Variants in ATP10D observed in about 807,000 individuals in gnomAD.
ATP10D encodes the protein ATPase phospholipid transporting 10D (putative), also known as phospholipid-transporting ATPase VD.
ATP10D carries 89 observed loss-of-function variants against 144.8 expected under a neutral mutation model. The ratio of observed to expected loss-of-function variants is 0.61; its 90% CI spans 0.52 to 0.73. The LOEUF (loss-of-function observed/expected upper bound fraction) is 0.73. Among genes scored for constraint, ATP10D ranks in the 30% least tolerant of loss-of-function variants. The pLI is 0.00. For synonymous variants in ATP10D, 571 were observed against 615.1 expected (o/e 0.93, Z 1.06); for missense variants, 1,603 against 1,714.8 (o/e 0.93, Z 1.15).
intron 3 of ATP10D, among the ~76,000 whole-genome samples, chr4:47,519,024 T>C (rs572704640): frequency 1.1e-3 from 171 of 152,368 alleles, no homozygotes; most frequent in Non-Finnish European, 1.9e-3. Flanking sequence ...TAAGTTGATA[T>C]ATGTAAAGCA....
intron 1 of ATP10D, among the ~76,000 whole-genome samples, chr4:47,495,748 T>C (rs1188974611): frequency 6.6e-6 from 1 of 152,088 alleles, no homozygotes; most frequent in African/African-American, 2.4e-5. Context: ...TTTTTTTTTT[T>C]TTTTTTGAAA....
At position 47,558,791 on chromosome 4, in the gene ATP10D, C is replaced by G. The variant is rs569814918; in HGVS notation, c.2435-132C>G. On this transcript the variant is annotated intron_variant, in intron 12 of 22. Coordinates refer to ENST00000273859, the MANE Select transcript of ATP10D (RefSeq NM_020453.4). ...TCTGAGTGGTCCCTTTTACAGATAC[C>G]CATTTGGGATTCAAAACCAGAAGGC... The G allele has an allele frequency of 3.8e-5, 26 of 683,312 alleles. No individual in the cohort carries two copies. The African/African-American group carries it at 4.3e-4, about 11-fold the overall frequency. The allele number at this position is 683,312 out of a possible 1,614,324, so 42.3% of individuals were successfully genotyped here. A position where few individuals can be genotyped will look rare whatever the true frequency, so the allele number is the denominator to read the frequency against.
chr4:47,533,113 G>C (rs911420064), intron 5 of ATP10D, among the ~76,000 whole-genome samples: 2 of 152,002 alleles, frequency 1.3e-5, no homozygotes, highest in Non-Finnish European at 2.9e-5. Context: ...AAGGATTTCA[G>C]GGGAAAAAAT....
chr4:47,536,891 T>C lies in ATP10D; in HGVS notation c.1349T>C (p.Phe450Ser). ...TGTLTENKMV[F>S]RRCSVAGFDY... is the part of the protein sequence containing the mutation. Reference sequence around the variant, plus strand: ...ACCCTCACTGAGAATAAGATGGTTTTTCGAAGATGTAGTGTGGCAGGATTT... The same window carrying C: ...ACCCTCACTGAGAATAAGATGGTTTCTCGAAGATGTAGTGTGGCAGGATTT... Residue 450 changes from phenylalanine to serine, a missense_variant, in exon 9 of 23, where the codon TTT becomes TCT. Transcript: ENST00000273859. The C allele has an allele frequency of 6.2e-7, 1 of 1,613,024 alleles. No individual in the cohort carries two copies. The highest frequency in any genetic ancestry group is 8.5e-7 in the Non-Finnish European group (1 of 1,179,564).
chr4:47,582,731 A>T (rs1324872805), intron 21 of ATP10D: 1 of 152,198 alleles, frequency 6.6e-6, no homozygotes, highest in Non-Finnish European at 1.5e-5. Context: ...CGCAAATGTT[A>T]TTTTAAATTT....
chr4:47,498,035 C>G (rs971927163), intron 1 of ATP10D, among the ~76,000 whole-genome samples: 3 of 152,192 alleles, frequency 2.0e-5, no homozygotes, highest in African/African-American at 7.2e-5. Flanking sequence ...TGTCAGATGT[C>G]TTACGTACAT....
chr4:47,558,929 C>A lies in ATP10D; in HGVS notation c.2441C>A (p.Ala814Glu). 6.2e-7 allele frequency: 1 copy of A among 1,612,380 alleles called. No homozygotes were observed. The highest frequency in any genetic ancestry group is 2.2e-5 in the East Asian group (1 of 44,826). The change falls in exon 13 of 23, where the codon GCA becomes GAA. Residue 814 changes from alanine (A) to glutamate (E), a missense_variant. Physicochemically the swap from Ala to Glu is moderately radical, Grantham distance 107. Coordinates refer to ENST00000273859, the MANE Select transcript of ATP10D (RefSeq NM_020453.4). ...ATCTTGTCCATTATTTCAGATGGAGCAAGTCTGGAGAAACAACAGATGATA... is the reference window on the plus strand; with the variant it reads ...ATCTTGTCCATTATTTCAGATGGAGAAAGTCTGGAGAAACAACAGATGATA... ...ELLSVASPDG[A>E]SLEKQQMIVR...
chr4:47,530,362 A>C (rs1370635825), intron 5 of ATP10D, among the ~76,000 whole-genome samples: 1 of 152,114 alleles, frequency 6.6e-6, no homozygotes, highest in African/African-American at 2.4e-5. Flanking sequence ...TTATCATGAA[A>C]GGATATTGGT....
intron 9 of ATP10D, among the ~76,000 whole-genome samples, chr4:47,537,386 T>C (rs1179939389): frequency 2.0e-5 from 3 of 152,196 alleles, no homozygotes; most frequent in African/African-American, 7.2e-5. Context: ...CTTCTGACTC[T>C]AAAGAAATAA....
intron 1 of ATP10D, among the ~76,000 whole-genome samples, chr4:47,495,529 C>T (rs1343698116): frequency 6.6e-6 from 1 of 151,756 alleles, no homozygotes; most frequent in African/African-American, 2.4e-5. Flanking sequence ...AGTATAAAAA[C>T]ACTGAAAAAA....
chr4:47,487,059 G>A (rs183009189), intron 1 of ATP10D, among the ~76,000 whole-genome samples: 35 of 152,010 alleles, frequency 2.3e-4, no homozygotes, highest in Admixed American at 1.6e-3. Flanking sequence ...GGCGAAACCC[G>A]TCTCTACTAA....
chr4:47,591,441 A>C lies in ATP10D; in HGVS notation c.*60A>C, dbSNP rs577056118. 4.9e-5 allele frequency: 69 copies of C among 1,406,892 alleles called. No individual in the cohort carries two copies. In the South Asian group the frequency reaches 8.8e-4, roughly 18 times the overall value. 87.2% of individuals were successfully genotyped at this position (1,406,892 alleles called of 1,614,324 possible). On this transcript the variant is annotated 3_prime_UTR_variant, in exon 23 of 23. Transcript: ENST00000273859. The stretch of plus-strand genomic sequence containing the variant: ...GTTGGAAGAGGGATTTTGAAGAGGT[A>C]TCTCTCCAAGCAAGAATGACTTGTT...
intron 5 of ATP10D, among the ~76,000 whole-genome samples, chr4:47,529,729 G>A (rs1717462193): frequency 6.6e-6 from 1 of 152,096 alleles, no homozygotes; most frequent in African/African-American, 2.4e-5. Context: ...ATTTCTTTGG[G>A]CAGTGTGGAC....
chr4:47,491,879 C>T (rs1014181824), intron 1 of ATP10D, among the ~76,000 whole-genome samples: 5 of 152,138 alleles, frequency 3.3e-5, no homozygotes, highest in Non-Finnish European at 5.9e-5. Flanking sequence ...TCCCTAAATT[C>T]ATATACTGCA....
chr4:47,577,832 G>C (rs1720312941), intron 19 of ATP10D, among the ~76,000 whole-genome samples: 1 of 107,212 alleles, frequency 9.3e-6, no homozygotes, highest in Admixed American at 9.1e-5. Flanking sequence ...TTTCCTAAAG[G>C]AGTCCAGTCT....
chr4:47,512,988 C>T (rs1024118476), intron 2 of ATP10D, 158 bp downstream of exon 2: 7 of 687,142 alleles, frequency 1.0e-5, no homozygotes, highest in South Asian at 4.2e-5. Context: ...ATGACTCCTC[C>T]CATTCACGTA....
At chr4:47,494,248 T>C (rs1342980674) in intron 1 of ATP10D, among the ~76,000 whole-genome samples, 1 of 152,154 alleles carries the variant, frequency 6.6e-6, no homozygotes, top group Non-Finnish European at 1.5e-5. Flanking sequence ...TGATCTTGGC[T>C]GTATTTGGGG....
intron 18 of ATP10D, among the ~76,000 whole-genome samples, chr4:47,573,354 C>T (rs749730799): frequency 5.3e-5 from 8 of 152,166 alleles, no homozygotes; most frequent in African/African-American, 1.2e-4. Context: ...GGTTTGCATC[C>T]GTTTTACTGG....
At chr4:47,558,313 G>A (rs768588339) in intron 12 of ATP10D, 40 bp downstream of exon 12, 2 of 1,585,578 alleles carry the variant, frequency 1.3e-6, no homozygotes, top group Admixed American at 3.4e-5. Context: ...GATTTGAAAA[G>A]CTCGGAGATT....
Sources: gnomAD v4.1 joint callset for allele counts (sites outside exome capture counted in the v4.1 genomes callset) on GRCh38, gnomAD v4.1.1 for gene constraint, MANE v1.5 for transcripts, NCBI Gene and HGNC (gene_info 2026-07-23, HGNC 2026-07-21) for gene names.